Variants in KCNT2 observed in about 807,000 individuals in gnomAD.
KCNT2 encodes the protein potassium channel subfamily T member 2.
A neutral mutation model predicts 153.8 loss-of-function variants in KCNT2; 67 were observed. The observed-to-expected ratio is 0.44, with a 90% CI of 0.36 to 0.53. The LOEUF is 0.53. KCNT2 is among the 20% of genes least tolerant of loss of function. The pLI, the probability that KCNT2 is intolerant of heterozygous loss-of-function variation, is 0.00. For missense variants in KCNT2, 975 were observed against 1,354.8 expected (o/e 0.72, Z 4.40); for synonymous variants, 500 against 458.8 (o/e 1.09, Z -1.15).
intron 3 of KCNT2, among the ~76,000 whole-genome samples, chr1:196,484,049 T>C (rs1262901151): frequency 6.6e-6 from 1 of 152,150 alleles, no homozygotes; most frequent in African/African-American, 2.4e-5. Context: ...TGCCCAGTTT[T>C]GTAAGTGGAA....
chr1:196,588,806 C>T (rs1447258918), intron 1 of KCNT2, among the ~76,000 whole-genome samples: 1 of 151,806 alleles, frequency 6.6e-6, no homozygotes, highest in African/African-American at 2.4e-5. Context: ...GGAACGAAAT[C>T]TTATTTCTAG....
In KCNT2 at chr1:196,584,110, A is replaced by G. The variant is rs141439883; in HGVS notation, c.95+24105T>C. Reference sequence around the variant, plus strand: ...AAGGAACTATAAAGGCAGGGTCTGGAACAGGGTATTACCTGGGCAAAGAAT... The same window carrying G: ...AAGGAACTATAAAGGCAGGGTCTGGGACAGGGTATTACCTGGGCAAAGAAT... On this transcript the variant is annotated intron_variant, in intron 1 of 27. Coordinates refer to ENST00000294725, the MANE Select transcript of KCNT2 (RefSeq NM_198503.5). Among the ~76,000 whole-genome samples, 735 of 151,920 alleles carry G rather than the reference A, an allele frequency of 4.8e-3. 3 individuals are homozygous for G. Among genetic ancestry groups the G allele is most frequent in the African/African-American group, 0.016 (672 of 41,450 alleles).
rs149539340 is a variant in KCNT2 at position 196,431,613 on chromosome 1, A to C, written c.639-1856T>G. Among the ~76,000 whole-genome samples, 177 of 152,248 alleles carry C rather than the reference A, an allele frequency of 1.2e-3. 2 individuals are homozygous for C. Among genetic ancestry groups the C allele is most frequent in the African/African-American group, 4.1e-3 (170 of 41,556 alleles). On this transcript the variant is annotated intron_variant, in intron 8 of 27. Coordinates refer to ENST00000294725, the MANE Select transcript of KCNT2 (RefSeq NM_198503.5). ...ACTTGGTAATTATGTCTGTGTCCAA[A>C]TATTTTTGTGGAAGGCACAATTTAA... is the stretch of plus-strand genomic sequence containing the variant.
chr1:196,235,934 ATAG>A (rs1240672754), intron 27 of KCNT2, 49 bp downstream of exon 27: 4 of 1,103,904 alleles, frequency 3.6e-6, no homozygotes, highest in Admixed American at 1.9e-5. Context: ...ACAAAAATAA[ATAG>A]TAGTTTTCTA....
chr1:196,327,182 T>C (rs545358680), intron 18 of KCNT2, among the ~76,000 whole-genome samples: 2 of 152,168 alleles, frequency 1.3e-5, no homozygotes, highest in South Asian at 4.1e-4. Flanking sequence ...CTAGAAGACA[T>C]CCAGGTATAC....
intron 26 of KCNT2, among the ~76,000 whole-genome samples, chr1:196,238,969 T>A (rs930203124): frequency 6.6e-6 from 1 of 151,982 alleles, no homozygotes; most frequent in Admixed American, 6.6e-5. Context: ...TATGGTTGTT[T>A]TCTAGATATT....
At chr1:196,538,404 G>A (rs972380962) in intron 1 of KCNT2, among the ~76,000 whole-genome samples, 17 of 152,140 alleles carry the variant, frequency 1.1e-4, no homozygotes, top group African/African-American at 4.1e-4. Flanking sequence ...CGGTGAAGTG[G>A]TGGGTAGCTG....
At chr1:196,326,688 CTTGT>C in intron 19 of KCNT2, 25 bp downstream of exon 19, 1 of 1,343,686 alleles carries the variant, frequency 7.4e-7, no homozygotes, top group Non-Finnish European at 1.0e-6. Context: ...AACAGTTTAT[CTTGT>C]TTGTGTATCT....
chr1:196,380,310 GC>G (rs1669368253), intron 13 of KCNT2, among the ~76,000 whole-genome samples: 1 of 152,074 alleles, frequency 6.6e-6, no homozygotes, highest in Non-Finnish European at 1.5e-5. Context: ...CAGTTTAAAA[GC>G]TTCTAAAATA....
rs115993496 is a variant in KCNT2 at position 196,353,277 on chromosome 1, G to A, written c.1404-11049C>T. ...CAGGCAGACATCCTATTTTCCATGA[G>A]TAATAAGTAATTTTTTTGGACCTCA... On this transcript the variant is annotated intron_variant, in intron 14 of 27. Transcript: ENST00000294725. 1.2e-3 allele frequency among the ~76,000 whole-genome samples: 183 copies of A among 152,074 alleles called. 2 individuals carry two copies. Among genetic ancestry groups the A allele is most frequent in the African/African-American group, 4.3e-3 (177 of 41,540 alleles).
rs940027512 is a variant in KCNT2 at position 196,247,418 on chromosome 1, A to G, written c.3211+10776T>C. ...GGAAATGTCAGACTTAATCCTTGCT[A>G]TAGACCAAATATCTACTAAGATATT... is the stretch of plus-strand genomic sequence containing the variant. On this transcript the variant is annotated intron_variant, in intron 26 of 27. Coordinates refer to ENST00000294725, the MANE Select transcript of KCNT2 (RefSeq NM_198503.5). 2.6e-5 allele frequency among the ~76,000 whole-genome samples: 4 copies of G among 152,192 alleles called. No individual in the cohort carries two copies. In the South Asian group the frequency reaches 6.2e-4, roughly 24 times the overall value.
intron 25 of KCNT2, among the ~76,000 whole-genome samples, chr1:196,263,988 C>A (rs1344311272): frequency 6.6e-6 from 1 of 151,934 alleles, no homozygotes; most frequent in Admixed American, 6.6e-5. Context: ...TTTCTACTTA[C>A]ACTTTGGTCT....
chr1:196,246,332 G>A (rs1488525805), intron 26 of KCNT2, among the ~76,000 whole-genome samples: 1 of 152,134 alleles, frequency 6.6e-6, no homozygotes, highest in Non-Finnish European at 1.5e-5. Context: ...AGACAAATCT[G>A]AGAGATTTCA....
chr1:196,516,510 G>T (rs1572700144), intron 1 of KCNT2, among the ~76,000 whole-genome samples: 2 of 152,282 alleles, frequency 1.3e-5, no homozygotes, highest in Non-Finnish European at 2.9e-5. Flanking sequence ...AGAGGGTGGG[G>T]TGTACTACTA....
Position 196,326,703 on chromosome 1 carries a change from T to C in KCNT2, c.2276+14A>G, listed in dbSNP as rs1485055672. 4.8e-6 allele frequency: 7 copies of C among 1,452,344 alleles called. No individual in the cohort carries two copies. Among genetic ancestry groups the C allele is most frequent in the Admixed American group, 5.4e-5 (2 of 37,246 alleles). 90.0% of individuals were successfully genotyped at this position (1,452,344 alleles called of 1,614,324 possible). A position where few individuals can be genotyped will look rare whatever the true frequency, so the allele number is the denominator to read the frequency against. ...AACAGTTTATCTTGTTTGTGTATCT[T>C]AAAATATACTTACGGGTTATCCAAT... On this transcript the variant is annotated intron_variant, in intron 19 of 27. Transcript: ENST00000294725.
At chr1:196,250,018 T>A (rs1655811502) in intron 26 of KCNT2, among the ~76,000 whole-genome samples, 1 of 152,038 alleles carries the variant, frequency 6.6e-6, no homozygotes, top group Admixed American at 6.6e-5. Context: ...AAAATGCCCA[T>A]ACTATCCAAA....
intron 12 of KCNT2, among the ~76,000 whole-genome samples, chr1:196,410,707 G>A (rs1672225781): frequency 2.2e-5 from 1 of 44,698 alleles, no homozygotes; most frequent in Non-Finnish European, 4.8e-5. Flanking sequence ...TGTGCTCAGT[G>A]CTTAAAAAAA....
intron 14 of KCNT2, among the ~76,000 whole-genome samples, chr1:196,357,534 A>C (rs1001670636): frequency 2.0e-5 from 3 of 151,828 alleles, no homozygotes; most frequent in African/African-American, 7.3e-5. Flanking sequence ...TTCAGTGGTA[A>C]ATTTTAGGAA....
At chr1:196,324,623 A>G (rs1663663059) in intron 19 of KCNT2, among the ~76,000 whole-genome samples, 1 of 152,110 alleles carries the variant, frequency 6.6e-6, no homozygotes, top group South Asian at 2.1e-4. Context: ...ACTGACATGT[A>G]GTAGTCATTG....
Sources: gnomAD v4.1 joint callset for allele counts (sites outside exome capture counted in the v4.1 genomes callset) on GRCh38, gnomAD v4.1.1 for gene constraint, MANE v1.5 for transcripts, NCBI Gene and HGNC (gene_info 2026-07-23, HGNC 2026-07-21) for gene names.